Variants in MID1 observed in about 807,000 individuals in gnomAD.
The protein encoded by MID1 is midline 1, also known as E3 ubiquitin-protein ligase Midline-1.
MID1 carries 7 observed loss-of-function variants against 40.4 expected under a neutral mutation model. That is an observed-to-expected ratio of 0.17 (90% confidence interval 0.10 to 0.33). The LOEUF is 0.33. MID1 is among the 10% of genes least tolerant of loss of function. The pLI is 1.00. For missense variants in MID1, 367 were observed against 558.5 expected (o/e 0.66, Z 3.46); for synonymous variants, 229 against 221.2 (o/e 1.04, Z -0.31).
chrX:10,452,833 C>A (rs1384163011), intron 9 of MID1, among the ~76,000 whole-genome samples: 1 of 111,598 alleles, frequency 9.0e-6, no homozygotes, highest in Non-Finnish European at 1.9e-5. Flanking sequence ...GTTTATATAA[C>A]TGAAGTGGTC....
intron 1 of MID1, among the ~76,000 whole-genome samples, chrX:10,729,143 C>T (rs2043422264): frequency 8.9e-6 from 1 of 111,990 alleles, no homozygotes; most frequent in South Asian, 3.7e-4. Context: ...TGCTCACTCA[C>T]TGTCCTTTCC....
chrX:10,689,658 T>C (rs747051739), intron 1 of MID1, among the ~76,000 whole-genome samples: 1 of 111,328 alleles, frequency 9.0e-6, no homozygotes, highest in South Asian at 3.8e-4. Context: ...GGGCTTTGTA[T>C]TCTAGTCTTG....
intron 1 of MID1, among the ~76,000 whole-genome samples, chrX:10,815,100 T>C (rs978695933): frequency 1.8e-5 from 2 of 112,192 alleles, no homozygotes; most frequent in African/African-American, 6.5e-5. Flanking sequence ...ATTTCATATT[T>C]ATTACTTTTT....
intron 1 of MID1, among the ~76,000 whole-genome samples, chrX:10,774,892 C>CCTCCCAGG (rs1569167147): frequency 9.0e-6 from 1 of 111,473 alleles, no homozygotes; most frequent in Admixed American, 9.6e-5. Context: ...TCTAAGTCCA[C>CCTCCCAGG]TTCAAATCTC....
At chrX:10,571,629 C>G (rs1324627971) in intron 1 of MID1, among the ~76,000 whole-genome samples, 1 of 109,745 alleles carries the variant, frequency 9.1e-6, no homozygotes, top group Non-Finnish European at 1.9e-5. Context: ...AAAATATGAA[C>G]AAGGCCAGGT....
chrX:10,807,967 AC>A (rs1238444274), intron 1 of MID1, among the ~76,000 whole-genome samples: 3 of 112,441 alleles, frequency 2.7e-5, no homozygotes, highest in Non-Finnish European at 5.6e-5. Context: ...TTTAACAAGA[AC>A]TAGGCTACTT....
At chrX:10,621,527 T>C (rs1168803230), upstream of MID1, among the ~76,000 whole-genome samples, 1 of 112,006 alleles carries the variant, frequency 8.9e-6, no homozygotes, top group Non-Finnish European at 1.9e-5. Flanking sequence ...AATGGCATAT[T>C]TTCCCCCAAG....
intron 3 of MID1, among the ~76,000 whole-genome samples, chrX:10,509,112 CA>C (rs965581092): frequency 9.0e-6 from 1 of 111,408 alleles, no homozygotes; most frequent in African/African-American, 3.3e-5. Context: ...GCAGGAAGGA[CA>C]CTGGAGAGCT....
At chrX:10,589,103 A>G (rs1240287385) in intron 1 of MID1, among the ~76,000 whole-genome samples, 1 of 112,082 alleles carries the variant, frequency 8.9e-6, no homozygotes, top group Non-Finnish European at 1.9e-5. Flanking sequence ...GCACACACAC[A>G]CTTTTGCAGT....
intron 1 of MID1, among the ~76,000 whole-genome samples, chrX:10,686,376 A>T (rs1202255170): frequency 9.0e-6 from 1 of 111,466 alleles, no homozygotes; most frequent in Non-Finnish European, 1.9e-5. Flanking sequence ...GCATAGATCT[A>T]GTGTTGGTCA....
intron 2 of MID1, among the ~76,000 whole-genome samples, chrX:10,566,251 G>A: frequency 8.9e-6 from 1 of 111,817 alleles, no homozygotes; most frequent in Non-Finnish European, 1.9e-5. Flanking sequence ...TACACGAAAA[G>A]GAATTCTTTC....
chrX:10,546,269 CACAA>C (rs1465918111), intron 2 of MID1, among the ~76,000 whole-genome samples: 1 of 112,227 alleles, frequency 8.9e-6, no homozygotes, highest in Non-Finnish European at 1.9e-5. Context: ...CAAAAACACA[CACAA>C]ACAATATTTA....
intron 1 of MID1, among the ~76,000 whole-genome samples, chrX:10,792,736 G>A (rs974402089): frequency 2.7e-5 from 3 of 111,406 alleles, no homozygotes; most frequent in East Asian, 2.8e-4. Flanking sequence ...GGCTAGGGAC[G>A]GGGAAGTGGG....
intron 3 of MID1, among the ~76,000 whole-genome samples, chrX:10,517,513 A>G (rs1932508859): frequency 8.9e-6 from 1 of 112,529 alleles, no homozygotes; most frequent in South Asian, 3.7e-4. Context: ...TGGAAATGCC[A>G]GTTGTCACTG....
At chrX:10,686,194 T>C (rs941912748) in intron 1 of MID1, among the ~76,000 whole-genome samples, 6 of 111,433 alleles carry the variant, frequency 5.4e-5, no homozygotes, top group African/African-American at 2.0e-4. Context: ...ATGGTGGTGC[T>C]GACCATCCTT....
chrX:10,720,099 A>G (rs1256194384), intron 1 of MID1, among the ~76,000 whole-genome samples: 1 of 112,091 alleles, frequency 8.9e-6, no homozygotes, highest in Non-Finnish European at 1.9e-5. Context: ...AAAACCCTAG[A>G]AGAAAACCTA....
chrX:10,833,342 T>A (rs1480786254), intron 1 of MID1, among the ~76,000 whole-genome samples: 5 of 112,102 alleles, frequency 4.5e-5, no homozygotes, highest in Non-Finnish European at 9.4e-5. Context: ...CTCTGGAATG[T>A]CTAAAGTGCT....
intron 1 of MID1, among the ~76,000 whole-genome samples, chrX:10,572,996 C>T (rs1238313420): frequency 2.7e-5 from 3 of 112,301 alleles, no homozygotes; most frequent in Non-Finnish European, 3.8e-5. Flanking sequence ...TCCCTACAGT[C>T]CCTCTAGCAC....
chrX:10,666,927 T>C (rs2042954816), intron 1 of MID1, among the ~76,000 whole-genome samples: 1 of 111,870 alleles, frequency 8.9e-6, no homozygotes, highest in Non-Finnish European at 1.9e-5. Flanking sequence ...ACATGAAAGC[T>C]GGTAAATGAT....
Sources: allele counts gnomAD v4.1 joint callset (sites outside exome capture counted in the v4.1 genomes callset), GRCh38; gene constraint gnomAD v4.1.1; transcripts MANE v1.5; gene names NCBI Gene and HGNC (gene_info 2026-07-23, HGNC 2026-07-21).